BBS7: variants seen among roughly 807,000 people sequenced by gnomAD.
BBS7 encodes BBSome complex member BBS7.
Under a neutral mutation model 90.3 loss-of-function variants are expected in BBS7, and 50 were observed. That is an observed-to-expected ratio of 0.55 (90% CI 0.44 to 0.70). The LOEUF is 0.70. Among genes scored for constraint, BBS7 ranks in the 30% least tolerant of loss-of-function variants. The pLI is 0.00. For missense variants in BBS7, 729 were observed against 838.9 expected (o/e 0.87, Z 1.62); for synonymous variants, 235 against 287.4 (o/e 0.82, Z 1.85).
intron 15 of BBS7, among the ~76,000 whole-genome samples, chr4:121,830,611 A>G (rs1578525330): frequency 1.3e-5 from 2 of 152,272 alleles, no homozygotes; most frequent in Middle Eastern, 6.8e-3. Flanking sequence ...CAATAAAGTA[A>G]GTGCTATTAT....
At chr4:121,840,958 C>T (rs1378550721) in intron 12 of BBS7, among the ~76,000 whole-genome samples, 1 of 151,942 alleles carries the variant, frequency 6.6e-6, no homozygotes, top group East Asian at 1.9e-4. Flanking sequence ...ATACCTCAGC[C>T]TCCCAAATAG....
At chr4:121,850,971 A>G (rs1331170942) in intron 8 of BBS7, among the ~76,000 whole-genome samples, 1 of 152,232 alleles carries the variant, frequency 6.6e-6, no homozygotes, top group Non-Finnish European at 1.5e-5. Context: ...CCGCATTTTT[A>G]ACAAGTGTCC....
intron 7 of BBS7, among the ~76,000 whole-genome samples, chr4:121,854,250 T>A (rs760696022): frequency 3.9e-5 from 6 of 152,202 alleles, no homozygotes; most frequent in African/African-American, 1.4e-4. Flanking sequence ...TATATGAACA[T>A]CCTGAACATA....
chr4:121,848,586 T>C (rs1413401588), intron 9 of BBS7, among the ~76,000 whole-genome samples: 1 of 152,206 alleles, frequency 6.6e-6, no homozygotes, highest in East Asian at 1.9e-4. Flanking sequence ...TATTCGTTAT[T>C]GTTAATCTTT....
intron 5 of BBS7, among the ~76,000 whole-genome samples, chr4:121,858,424 T>C (rs893293483): frequency 2.0e-5 from 3 of 152,190 alleles, no homozygotes; most frequent in Admixed American, 2.0e-4. Context: ...CTCAAGAAGA[T>C]ATAGTGGTAA....
At chr4:121,849,812 G>C (rs1363077901) in intron 8 of BBS7, among the ~76,000 whole-genome samples, 2 of 152,144 alleles carry the variant, frequency 1.3e-5, no homozygotes, top group East Asian at 3.9e-4. Context: ...TCTGGCGACA[G>C]AGCGAGACTG....
intron 1 of BBS7, among the ~76,000 whole-genome samples, 156 bp from the exon 2 acceptor site, chr4:121,868,202 A>G (rs887702389): frequency 5.9e-5 from 9 of 152,224 alleles, no homozygotes; most frequent in Non-Finnish European, 1.2e-4. Flanking sequence ...TATTAGTCAG[A>G]ATACATATAG....
chr4:121,848,770 CA>C, intron 9 of BBS7, 73 bp downstream of exon 9: 2 of 1,237,016 alleles, frequency 1.6e-6, no homozygotes, highest in Non-Finnish European at 1.2e-6. Context: ...AAAGAGTCAT[CA>C]AAAGCAGTTT....
intron 13 of BBS7, among the ~76,000 whole-genome samples, 165 bp downstream of exon 13, chr4:121,839,466 G>A (rs1416688658): frequency 6.6e-6 from 1 of 152,140 alleles, no homozygotes; most frequent in Admixed American, 6.5e-5. Context: ...AGATTGTGGT[G>A]TGGGCTAAAT....
chr4:121,863,160 T>A, intron 3 of BBS7, 57 bp downstream of exon 3: 1 of 1,527,334 alleles, frequency 6.5e-7, no homozygotes, highest in Non-Finnish European at 9.1e-7. Flanking sequence ...TATTATTCAA[T>A]AAATAGTGCA....
At position 121,868,024 on chromosome 4, in the gene BBS7, G is replaced by A. The variant is rs751350429; in HGVS notation, c.59C>T (p.Thr20Ile). The part of the protein sequence containing the change: ...YLQVGVTSQK[T>I]MKLIPASRHR... ...TCTTGAGGCAGGAATTAGCTTCATA[G>A]TCTTCTGAGATGTTACTCCCACCTA... Residue 20 changes from threonine to isoleucine, a missense_variant, in exon 2 of 19, where the codon ACT (threonine) becomes ATT (isoleucine). Physicochemically the swap from Thr to Ile is moderately conservative, Grantham distance 89. Coordinates refer to ENST00000264499, the MANE Select transcript of BBS7 (RefSeq NM_176824.3). 3 of 1,613,518 alleles carry A rather than the reference G, an allele frequency of 1.9e-6. No individual in the cohort carries two copies. In the Admixed American group the frequency reaches 5.0e-5, roughly 27 times the overall value.
chr4:121,855,312 C>A (rs1475443146), intron 6 of BBS7, 177 bp downstream of exon 6: 2 of 592,566 alleles, frequency 3.4e-6, no homozygotes, highest in Non-Finnish European at 3.0e-6. Flanking sequence ...TGCCCCCCAG[C>A]CCCCCAAAAA....
At chr4:121,854,118 C>G (rs1331538858) in intron 7 of BBS7, among the ~76,000 whole-genome samples, 1 of 152,160 alleles carries the variant, frequency 6.6e-6, no homozygotes, top group African/African-American at 2.4e-5. Context: ...CTCCTTCTAC[C>G]ATCACTCTCT....
chr4:121,841,523 G>A (rs538229744), intron 12 of BBS7, among the ~76,000 whole-genome samples: 13 of 152,036 alleles, frequency 8.6e-5, no homozygotes, highest in African/African-American at 2.9e-4. Context: ...CTATGATCAC[G>A]CCACTGCACT....
intron 2 of BBS7, 100 bp from the exon 3 acceptor site, chr4:121,863,379 T>C: frequency 9.8e-7 from 1 of 1,017,888 alleles, no homozygotes; most frequent in Non-Finnish European, 1.4e-6. Flanking sequence ...AAATACTGAC[T>C]TAATAGAGAT....
chr4:121,852,808 A>G (rs1298246443), intron 8 of BBS7, 148 bp downstream of exon 8: 1 of 785,674 alleles, frequency 1.3e-6, no homozygotes, highest in Non-Finnish European at 2.0e-6. Flanking sequence ...AGAGAAGTCT[A>G]GAGAAGATTC....
chr4:121,840,197 C>G (rs1240774151), intron 12 of BBS7, among the ~76,000 whole-genome samples: 1 of 152,146 alleles, frequency 6.6e-6, no homozygotes, highest in East Asian at 1.9e-4. Flanking sequence ...TGAATAAGAT[C>G]TGATGGTTTT....
chr4:121,843,132 A>T (rs1326862161), intron 12 of BBS7, among the ~76,000 whole-genome samples: 1 of 152,178 alleles, frequency 6.6e-6, no homozygotes, highest in Non-Finnish European at 1.5e-5. Flanking sequence ...GGGTGGTAGC[A>T]GCCGGTGAGA....
At chr4:121,865,079 C>T (rs1727183502) in intron 2 of BBS7, among the ~76,000 whole-genome samples, 1 of 152,102 alleles carries the variant, frequency 6.6e-6, no homozygotes, top group Non-Finnish European at 1.5e-5. Flanking sequence ...CTAGTATTCT[C>T]TGTCCTACTT....
Sources: allele counts gnomAD v4.1 joint callset (sites outside exome capture counted in the v4.1 genomes callset), GRCh38; gene constraint gnomAD v4.1.1; transcripts MANE v1.5; gene names NCBI Gene and HGNC (gene_info 2026-07-23, HGNC 2026-07-21).